CDC42EP3: variants seen among roughly 807,000 people sequenced by gnomAD.
CDC42EP3 encodes the protein CDC42 effector protein (Rho GTPase binding) 3.
A neutral mutation model predicts 15.5 loss-of-function variants in CDC42EP3; 4 were observed. The observed-to-expected ratio is 0.26, with a 90% CI of 0.13 to 0.59. CDC42EP3 has a LOEUF of 0.59. Ranked by LOEUF, CDC42EP3 falls within the 20% of genes least tolerant of loss-of-function variation. CDC42EP3 has a pLI of 0.89. For synonymous variants in CDC42EP3, 145 were observed against 130.3 expected, an observed-to-expected ratio of 1.11 and a Z score of -0.77; for missense variants, 309 against 311.2, an observed-to-expected ratio of 0.99 and a Z score of 0.05.
intron 1 of CDC42EP3, among the ~76,000 whole-genome samples, chr2:37,662,095 AG>A: frequency 6.7e-6 from 1 of 149,638 alleles, no homozygotes; most frequent in East Asian, 1.9e-4. Flanking sequence ...AAAAAAAAAA[AG>A]TAATGTTTTT....
intron 1 of CDC42EP3, among the ~76,000 whole-genome samples, chr2:37,662,214 G>A (rs569464287): frequency 3.3e-5 from 5 of 152,190 alleles, no homozygotes; most frequent in African/African-American, 1.2e-4. Context: ...CCTGAGCCAT[G>A]TAGTGACTCC....
chr2:37,667,161 T>C (rs530307142), intron 1 of CDC42EP3, among the ~76,000 whole-genome samples: 6 of 152,144 alleles, frequency 3.9e-5, no homozygotes, highest in Non-Finnish European at 8.8e-5. Flanking sequence ...GGTTTCCTTG[T>C]TGTGTGTTTC....
intron 1 of CDC42EP3, among the ~76,000 whole-genome samples, chr2:37,657,788 T>C (rs1665925685): frequency 6.6e-6 from 1 of 152,164 alleles, no homozygotes; most frequent in Non-Finnish European, 1.5e-5. Flanking sequence ...GGGAATATTG[T>C]GGGTTTTCGT....
chr2:37,665,725 T>G (rs894984407), intron 1 of CDC42EP3, among the ~76,000 whole-genome samples: 2 of 152,234 alleles, frequency 1.3e-5, no homozygotes, highest in East Asian at 1.9e-4. Flanking sequence ...AATAGAGGCC[T>G]GACTTGGAAG....
rs894751992 is a variant in CDC42EP3 at position 37,646,646 on chromosome 2, T to A, written c.-59A>T. The A allele has an allele frequency of 3.5e-6, 5 of 1,429,416 alleles. No homozygotes were observed. In the African/African-American group the frequency reaches 7.2e-5, roughly 20 times the overall value. 88.5% of individuals were successfully genotyped at this position (1,429,416 alleles called of 1,614,324 possible). A position where few individuals can be genotyped will look rare whatever the true frequency, so the allele number is the denominator to read the frequency against. ...GAGAAAGGGCCACTTTCTTCACAGA[T>A]GGTATATGTTTCTGAATCCTTTTTG... On this transcript the variant is annotated 5_prime_UTR_variant, in exon 2 of 2. Transcript: ENST00000295324.
At chr2:37,657,007 A>G (rs1462781781) in intron 1 of CDC42EP3, among the ~76,000 whole-genome samples, 1 of 28,654 alleles carries the variant, frequency 3.5e-5, no homozygotes, top group Non-Finnish European at 6.5e-5. Flanking sequence ...GCCCCCCGCC[A>G]TCCTCGAGGA....
intron 1 of CDC42EP3, among the ~76,000 whole-genome samples, chr2:37,654,147 C>A (rs1665775919): frequency 6.6e-6 from 1 of 152,134 alleles, no homozygotes; most frequent in Non-Finnish European, 1.5e-5. Context: ...CGCCTCCCTA[C>A]CCCCAACCAT....
intron 1 of CDC42EP3, 22 bp from the exon 2 acceptor site, chr2:37,646,844 G>T (rs148693046): frequency 2.9e-5 from 10 of 341,764 alleles, no homozygotes; most frequent in East Asian, 1.7e-4. Flanking sequence ...ACCAAAGCAG[G>T]TTATAAGCTA....
At chr2:37,665,412 C>G (rs921424982) in intron 1 of CDC42EP3, among the ~76,000 whole-genome samples, 4 of 152,100 alleles carry the variant, frequency 2.6e-5, no homozygotes, top group African/African-American at 9.7e-5. Context: ...GCCTCATCTC[C>G]CGCTGTGTTA....
intron 1 of CDC42EP3, among the ~76,000 whole-genome samples, chr2:37,648,975 G>A (rs139004369): frequency 3.5e-4 from 53 of 152,124 alleles, no homozygotes; most frequent in Admixed American, 9.8e-4. Context: ...AAGATACAGC[G>A]TGTCCACCAC....
At chr2:37,663,393 G>A (rs367648894) in intron 1 of CDC42EP3, among the ~76,000 whole-genome samples, 31 of 152,270 alleles carry the variant, frequency 2.0e-4, no homozygotes, top group African/African-American at 6.0e-4. Flanking sequence ...TTATTTATTC[G>A]TTAATGGCTG....
intron 1 of CDC42EP3, among the ~76,000 whole-genome samples, chr2:37,654,738 C>G (rs980116453): frequency 1.3e-5 from 2 of 152,224 alleles, no homozygotes; most frequent in African/African-American, 4.8e-5. Context: ...CGCACACGGA[C>G]TTTCCCTTGA....
intron 1 of CDC42EP3, among the ~76,000 whole-genome samples, chr2:37,656,597 A>G (rs1232625102): frequency 9.2e-5 from 14 of 152,218 alleles, no homozygotes; most frequent in Admixed American, 9.2e-4. Flanking sequence ...CTCAGAGCAT[A>G]CCTCTTAGGA....
chr2:37,660,789 A>T lies in CDC42EP3; in HGVS notation c.-236+10637T>A, dbSNP rs550640486. Among the ~76,000 whole-genome samples, 585 of 71,168 alleles carry T rather than the reference A, an allele frequency of 8.2e-3. 4 individuals are homozygous for T. Among genetic ancestry groups the T allele is most frequent in the African/African-American group, 0.031 (559 of 18,094 alleles). 46.7% of individuals were successfully genotyped at this position (71,168 alleles called of 152,430 possible). The stretch of plus-strand genomic sequence containing the variant: ...TCTATTTTGCGTCTACCTTAAGGTT[A>T]AAAAAAAAAAAAATGGAATGAACCT... On this transcript the variant is annotated intron_variant, in intron 1 of 1. Coordinates refer to ENST00000295324, the MANE Select transcript of CDC42EP3 (RefSeq NM_006449.5).
rs200423389 is a variant in CDC42EP3 at position 37,645,941 on chromosome 2, C to A, written c.647G>T (p.Gly216Val). Residue 216 changes from glycine to valine, a missense_variant, in exon 2 of 2, where the codon GGA becomes GTA. By Grantham distance (109) the Gly-to-Val change is moderately radical. Coordinates refer to ENST00000295324, the MANE Select transcript of CDC42EP3 (RefSeq NM_006449.5). ...DHPTPCELIKGKTKSEESLSD... is the reference protein window; with the variant it reads ...DHPTPCELIKVKTKSEESLSD... The stretch of plus-strand genomic sequence containing the variant: ...GAGGGACTCCTCTGACTTAGTCTTT[C>A]CCTTGATGAGCTCGCATGGGGTGGG... The A allele has an allele frequency of 1.2e-6, 2 of 1,613,864 alleles. No homozygotes were observed. Among genetic ancestry groups the A allele is most frequent in the Non-Finnish European group, 1.7e-6 (2 of 1,179,914 alleles).
At chr2:37,662,546 T>C (rs779700651) in intron 1 of CDC42EP3, among the ~76,000 whole-genome samples, 1 of 152,106 alleles carries the variant, frequency 6.6e-6, no homozygotes, top group African/African-American at 2.4e-5. Flanking sequence ...TTCCCCATTC[T>C]GAAAAAAGAA....
At chr2:37,672,538 G>C (rs1040639619), upstream of CDC42EP3, 6 of 152,174 alleles carry the variant, frequency 3.9e-5, no homozygotes, top group African/African-American at 1.4e-4. Flanking sequence ...CGCCAGCGCC[G>C]CCGCCCGGCG....
At chr2:37,670,524 T>C (rs1205949133) in intron 1 of CDC42EP3, among the ~76,000 whole-genome samples, 4 of 151,624 alleles carry the variant, frequency 2.6e-5, no homozygotes, top group Non-Finnish European at 5.9e-5. Context: ...ATTACTTGAC[T>C]GTCAGCCTAG....
At chr2:37,658,113 A>C (rs1665938893) in intron 1 of CDC42EP3, among the ~76,000 whole-genome samples, 1 of 152,098 alleles carries the variant, frequency 6.6e-6, no homozygotes, top group Non-Finnish European at 1.5e-5. Context: ...CCCACTCCTC[A>C]ACAATTCCCC....
Sources: allele counts gnomAD v4.1 joint callset (sites outside exome capture counted in the v4.1 genomes callset), GRCh38; gene constraint gnomAD v4.1.1; transcripts MANE v1.5; gene names NCBI Gene and HGNC (gene_info 2026-07-23, HGNC 2026-07-21).